The following PCMT1 variants were observed in gnomAD, a reference collection of about 807,000 sequenced individuals.
PCMT1 encodes the protein protein-L-isoaspartate (D-aspartate) O-methyltransferase.
A neutral mutation model predicts 29.2 loss-of-function variants in PCMT1; 9 were observed. The ratio of observed to expected loss-of-function variants is 0.31; its 90% CI spans 0.19 to 0.54. PCMT1 has a LOEUF of 0.54. Ranked by LOEUF, PCMT1 falls within the 20% of genes least tolerant of loss-of-function variation. PCMT1 has a pLI of 0.95. For missense variants in PCMT1, 184 were observed against 282.2 expected (o/e 0.65, Z 2.49); for synonymous variants, 98 against 97.5 (o/e 1.00, Z -0.03).
At chr6:149,809,258 CAAAAAA>C (rs1209712068) in intron 7 of PCMT1, among the ~76,000 whole-genome samples, 1 of 47,094 alleles carries the variant, frequency 2.1e-5, no homozygotes, top group Non-Finnish European at 3.8e-5. Flanking sequence ...GACTCTGTCT[CAAAAAA>C]AAAAAAAAAA....
chr6:149,785,689 A>T (rs1312753033), intron 3 of PCMT1, among the ~76,000 whole-genome samples: 1 of 152,022 alleles, frequency 6.6e-6, no homozygotes, highest in Non-Finnish European at 1.5e-5. Flanking sequence ...CCCTGAGTGG[A>T]CACAGCACTT....
intron 1 of PCMT1, among the ~76,000 whole-genome samples, chr6:149,753,757 T>C (rs1786418389): frequency 6.6e-6 from 1 of 152,266 alleles, no homozygotes; most frequent in East Asian, 1.9e-4. Context: ...TATGATTTCA[T>C]AGTTGATGCA....
chr6:149,766,203 T>C (rs1787078549), intron 1 of PCMT1, among the ~76,000 whole-genome samples: 1 of 152,132 alleles, frequency 6.6e-6, no homozygotes, highest in Non-Finnish European at 1.5e-5. Flanking sequence ...TACAATTGGG[T>C]ATGTGTCCTT....
At position 149,756,520 on chromosome 6, in the gene PCMT1, T is replaced by A. The variant is rs1179970151; in HGVS notation, c.55+6564T>A. On this transcript the variant is annotated intron_variant, in intron 1 of 7. Transcript: ENST00000464889. ...CACACCACCATGACTGGCTTTTTTT[T>A]TTTTTTTTTTTTTTTTTTTTTTTTG... Among the ~76,000 whole-genome samples the A allele has an allele frequency of 9.2e-5, 12 of 130,412 alleles. 1 individual carries two copies. Among genetic ancestry groups the A allele is most frequent in the African/African-American group, 3.1e-4 (11 of 35,550 alleles). 85.6% of individuals were successfully genotyped at this position (130,412 alleles called of 152,430 possible).
intron 1 of PCMT1, among the ~76,000 whole-genome samples, chr6:149,755,998 G>T (rs1786489035): frequency 6.6e-6 from 1 of 152,118 alleles, no homozygotes; most frequent in African/African-American, 2.4e-5. Context: ...TCCAGATTTG[G>T]ATTTAGGATC....
chr6:149,767,241 T>G (rs1787124909), intron 1 of PCMT1, among the ~76,000 whole-genome samples: 1 of 143,456 alleles, frequency 7.0e-6, no homozygotes, highest in African/African-American at 2.7e-5. Flanking sequence ...TCATGTTGGG[T>G]ATATCAGTAA....
intron 1 of PCMT1, among the ~76,000 whole-genome samples, chr6:149,763,438 T>C (rs1219281404): frequency 6.6e-6 from 1 of 151,662 alleles, no homozygotes; most frequent in Non-Finnish European, 1.5e-5. Flanking sequence ...CTTGTGAAAA[T>C]TTTGGAAACC....
rs563404258 is a variant in PCMT1 at position 149,754,431 on chromosome 6, C to T, written c.55+4475C>T. On this transcript the variant is annotated intron_variant, in intron 1 of 7. Transcript: ENST00000464889. ...TTTATATTAGAGTTTACTTCCTACT[C>T]GTATTGAGATAATTTCAAGCCATGG... Among the ~76,000 whole-genome samples the T allele has an allele frequency of 2.6e-5, 4 of 152,184 alleles. No homozygotes were observed. In the South Asian group the frequency reaches 8.3e-4, roughly 32 times the overall value.
chr6:149,810,725 A>G lies in PCMT1; in HGVS notation c.*147A>G. On this transcript the variant is annotated 3_prime_UTR_variant, in exon 8 of 8. Transcript: ENST00000464889. ...CCAACACCATCACAGCTTGTTTTGG[A>G]CTTTGTTACACTGTTATTTTCAGCA... 2 of 854,598 alleles carry G rather than the reference A, an allele frequency of 2.3e-6. No individual in the cohort carries two copies. Among genetic ancestry groups the G allele is most frequent in the Non-Finnish European group, 3.7e-6 (2 of 535,808 alleles). The allele number at this position is 854,598 out of a possible 1,614,324, so 52.9% of individuals were successfully genotyped here.
chr6:149,783,691 A>T (rs968593556), intron 3 of PCMT1, among the ~76,000 whole-genome samples: 2 of 150,894 alleles, frequency 1.3e-5, no homozygotes, highest in African/African-American at 2.4e-5. Context: ...ACTGGACAGG[A>T]CTCTTTTTTT....
chr6:149,794,529 A>G (rs1192836757), intron 5 of PCMT1, among the ~76,000 whole-genome samples: 1 of 152,180 alleles, frequency 6.6e-6, no homozygotes, highest in African/African-American at 2.4e-5. Context: ...GAGGCAGGAG[A>G]ATCGCTTGAA....
intron 1 of PCMT1, among the ~76,000 whole-genome samples, chr6:149,769,454 C>T (rs1787223015): frequency 6.6e-6 from 1 of 151,442 alleles, no homozygotes; most frequent in African/African-American, 2.4e-5. Flanking sequence ...GCTGGGATTA[C>T]AGGGGTGCGC....
At chr6:149,782,036 AT>A (rs145101859) in intron 3 of PCMT1, among the ~76,000 whole-genome samples, 1,960 of 152,288 alleles carry the variant, frequency 0.013, 50 homozygotes, top group African/African-American at 0.045. Context: ...TTCACTTAGC[AT>A]ATGTCATAGC....
intron 5 of PCMT1, chr6:149,795,539 G>A: frequency 4.2e-6 from 2 of 481,772 alleles, no homozygotes; most frequent in Non-Finnish European, 3.8e-6. Context: ...CAGGATGTTT[G>A]TTTGGATCTG....
intron 2 of PCMT1, 89 bp downstream of exon 2, chr6:149,771,355 A>G: frequency 2.8e-6 from 2 of 722,870 alleles, no homozygotes; most frequent in Non-Finnish European, 4.7e-6. Flanking sequence ...ACAGATATTT[A>G]TCTATTATTA....
At chr6:149,795,383 T>C (rs751338671) in intron 5 of PCMT1, 10 of 405,748 alleles carry the variant, frequency 2.5e-5, no homozygotes, top group Middle Eastern at 7.4e-4. Flanking sequence ...TGTTAAGATA[T>C]CTGGGGAGAT....
intron 1 of PCMT1, among the ~76,000 whole-genome samples, chr6:149,767,461 T>C (rs1455955861): frequency 6.6e-6 from 1 of 152,084 alleles, no homozygotes; most frequent in African/African-American, 2.4e-5. Flanking sequence ...AATTTTTATT[T>C]TTATTTATTG....
intron 3 of PCMT1, among the ~76,000 whole-genome samples, chr6:149,787,678 C>A (rs983039151): frequency 4.0e-5 from 6 of 151,452 alleles, no homozygotes; most frequent in Non-Finnish European, 7.4e-5. Flanking sequence ...GTTTTTAAAT[C>A]TTTGACATAA....
chr6:149,750,010 C>G (rs1786237337), intron 1 of PCMT1, 54 bp downstream of exon 1: 3 of 1,564,784 alleles, frequency 1.9e-6, no homozygotes, highest in Non-Finnish European at 2.6e-6. Context: ...GGGCCTGGAC[C>G]GGGTCCCCCT....
Sources: allele counts gnomAD v4.1 joint callset (sites outside exome capture counted in the v4.1 genomes callset), GRCh38; gene constraint gnomAD v4.1.1; transcripts MANE v1.5; gene names NCBI Gene and HGNC (gene_info 2026-07-23, HGNC 2026-07-21).